Variants in FKBP14 observed in about 807,000 individuals in gnomAD.
FKBP14 encodes peptidyl-prolyl cis-trans isomerase FKBP14.
FKBP14 carries 20 observed loss-of-function variants against 21.6 expected under a neutral mutation model. That is an observed-to-expected ratio of 0.92 (90% CI 0.65 to 1.34). The LOEUF is 1.34. FKBP14 is among the 40% of genes most tolerant of loss of function. FKBP14 has a pLI of 0.00. For missense variants in FKBP14, 253 were observed against 249.0 expected, an observed-to-expected ratio of 1.02 and a Z score of -0.11; for synonymous variants, 79 against 86.7, an observed-to-expected ratio of 0.91 and a Z score of 0.49.
chr7:30,022,472 G>A (rs1790056341), intron 2 of FKBP14, 193 bp downstream of exon 2: 1 of 482,494 alleles, frequency 2.1e-6, no homozygotes. Flanking sequence ...TAGCATAGTT[G>A]CCCATTTAGA....
At chr7:30,010,192 A>G (rs1789689272), downstream of FKBP14, among the ~76,000 whole-genome samples, 1 of 152,162 alleles carries the variant, frequency 6.6e-6, no homozygotes, top group Non-Finnish European at 1.5e-5. Flanking sequence ...GGTATTTTAT[A>G]GCACTGATTT....
At chr7:30,010,012 G>GA (rs1347111400), downstream of FKBP14, among the ~76,000 whole-genome samples, 1 of 150,294 alleles carries the variant, frequency 6.7e-6, no homozygotes, top group South Asian at 2.1e-4. Context: ...AACAACAAAA[G>GA]AAAAAAAATA....
chr7:30,019,094 A>T lies in FKBP14; in HGVS notation c.379T>A (p.Phe127Ile). Residue 127 changes from phenylalanine (F) to isoleucine (I), a missense_variant, in exon 3 of 4, where the codon TTT becomes ATT. Physicochemically the swap from Phe to Ile is conservative, Grantham distance 21. Coordinates refer to ENST00000222803, the MANE Select transcript of FKBP14 (RefSeq NM_017946.4). ...CGAATCTCCAGGAGATCAATATTAA[A>T]TATCAGTGTACTTTCTGGGGGAATT... ...GKIPPESTLI[F>I]NIDLLEIRNG... is the part of the protein sequence containing the mutation. The T allele has an allele frequency of 6.3e-7, 1 of 1,585,874 alleles. No homozygotes were observed.
rs1393430118 is a variant in FKBP14, at chr7:30,022,753, AC to A, written c.260del (p.Gly87ValfsTer6). 1.2e-6 allele frequency: 2 copies of A among 1,614,104 alleles called. No individual in the cohort carries two copies. Among genetic ancestry groups the A allele is most frequent in the Non-Finnish European group, 1.7e-6 (2 of 1,180,002 alleles). The stretch of plus-strand genomic sequence containing the variant: ...ACATTCCTTTCAAGCCCTGGTCCCA[AC>A]CTTTGAGAGCCTCCAGGATGCCCAG... ...FTLGILEALK[G>X]WDQGLKGMCV... On this transcript the variant is annotated frameshift_variant, in exon 2 of 4. Transcript: ENST00000222803. LOFTEE classifies it high-confidence loss of function.
At chr7:30,008,796 G>A (rs1265604667), downstream of FKBP14, among the ~76,000 whole-genome samples, 7 of 152,118 alleles carry the variant, frequency 4.6e-5, no homozygotes, top group East Asian at 1.3e-3. Flanking sequence ...CTAACACGGT[G>A]AAACCCGTCT....
rs1042789132 is a variant in FKBP14, at chr7:30,011,740, G to A, written c.*2995C>T. The A allele has an allele frequency of 4.0e-5, 6 of 151,604 alleles. No individual in the cohort carries two copies. The highest frequency in any genetic ancestry group is 7.4e-5 in the Non-Finnish European group (5 of 67,972). 9.4% of individuals were successfully genotyped at this position (151,604 alleles called of 1,614,324 possible). A position where few individuals can be genotyped will look rare whatever the true frequency, so the allele number is the denominator to read the frequency against. On this transcript the variant is annotated 3_prime_UTR_variant, in exon 4 of 4. Transcript: ENST00000222803. ...AACCTCAGCTTTTGTACTTTTAGCA[G>A]AGACGGGGTTTCGCCATGTTGCCCA...
At position 30,014,907 on chromosome 7, in the gene FKBP14, G is replaced by T. The variant is rs1218557130; in HGVS notation, c.478-14C>A. ...ATATGCTTTAACCTACAAAATAACA[G>T]ATCCCATTAATAACTTGGATTCATA... On this transcript the variant is annotated splice_polypyrimidine_tract_variant and intron_variant, in intron 3 of 3. Transcript: ENST00000222803. 2 of 1,551,814 alleles carry T rather than the reference G, an allele frequency of 1.3e-6. No homozygotes were observed.
chr7:30,012,941 G>T lies in FKBP14; in HGVS notation c.*1794C>A, dbSNP rs1789778350. The T allele has an allele frequency of 6.6e-6, 1 of 152,122 alleles. No homozygotes were observed. Among genetic ancestry groups the T allele is most frequent in the African/African-American group, 2.4e-5 (1 of 41,398 alleles). 9.4% of individuals were successfully genotyped at this position (152,122 alleles called of 1,614,324 possible). On this transcript the variant is annotated 3_prime_UTR_variant, in exon 4 of 4. Transcript: ENST00000222803. ...ACACTGAACTTGGGGACTGAATACTGGTTCTGCAGGTTAGTGCTGACCCTG... is the reference window on the plus strand; with the variant it reads ...ACACTGAACTTGGGGACTGAATACTTGTTCTGCAGGTTAGTGCTGACCCTG...
rs1789738880 is a variant in FKBP14 at position 30,011,598 on chromosome 7, ATATATATATATATT to A, written c.*3123_*3136del. On this transcript the variant is annotated 3_prime_UTR_variant, in exon 4 of 4. Transcript: ENST00000222803. ...TGGTATATATATATATATAGTATAT[ATATATATATATATT>A]TTTTTTTTTAGATGGGGAGTCACTC... 7.8e-6 allele frequency: 1 copy of A among 128,028 alleles called. No homozygotes were observed. Among genetic ancestry groups the A allele is most frequent in the Admixed American group, 8.5e-5 (1 of 11,714 alleles). The allele number at this position is 128,028 out of a possible 1,614,324, so 7.9% of individuals were successfully genotyped here.
At position 30,021,176 on chromosome 7, in the gene FKBP14, A is replaced by T. The variant is rs937458229; in HGVS notation, c.349+1489T>A. 1.1e-4 allele frequency among the ~76,000 whole-genome samples: 16 copies of T among 152,228 alleles called. 1 individual carries two copies. Among genetic ancestry groups the T allele is most frequent in the Non-Finnish European group, 2.2e-4 (15 of 68,030 alleles). On this transcript the variant is annotated intron_variant, in intron 2 of 3. Coordinates refer to ENST00000222803, the MANE Select transcript of FKBP14 (RefSeq NM_017946.4). ...GCACATACTTGGATGATAAAACCAG[A>T]AATAAATATGATTCCCAGTATCACA...
At chr7:30,016,014 A>G (rs1198679113) in intron 3 of FKBP14, among the ~76,000 whole-genome samples, 3 of 152,016 alleles carry the variant, frequency 2.0e-5, no homozygotes, top group Non-Finnish European at 4.4e-5. Flanking sequence ...GGCTCAAGCA[A>G]TCCTCCTACC....
chr7:30,021,560 CTTTTTTTTT>C (rs375759314), intron 2 of FKBP14, among the ~76,000 whole-genome samples: 1 of 144,452 alleles, frequency 6.9e-6, no homozygotes, highest in Admixed American at 6.9e-5. Context: ...CTTCAGACCT[CTTTTTTTTT>C]TTTTGAGATG....
At chr7:30,007,462 CCT>C (rs1444098693), downstream of FKBP14, among the ~76,000 whole-genome samples, 4 of 152,042 alleles carry the variant, frequency 2.6e-5, no homozygotes, top group African/African-American at 9.7e-5. Context: ...CCCGCCTTGG[CCT>C]CCAAAAGTGC....
chr7:30,023,714 G>GAGGA (rs1790096764), intron 1 of FKBP14, among the ~76,000 whole-genome samples: 2 of 152,334 alleles, frequency 1.3e-5, no homozygotes, highest in South Asian at 4.1e-4. Flanking sequence ...GAAGGCAAAG[G>GAGGA]AGGAGCAAAG....
chr7:30,006,858 A>G (rs976014959), downstream of FKBP14, among the ~76,000 whole-genome samples: 6 of 152,202 alleles, frequency 3.9e-5, no homozygotes, highest in African/African-American at 7.2e-5. Flanking sequence ...GAGACCTTCT[A>G]TAGAGTAGGT....
In FKBP14 at chr7:30,011,351, C is replaced by T. The variant is rs1384858224; in HGVS notation, c.*3384G>A. ...GCACCATGCCCAACCAGAAGAAAAACATTTTTTATAAATTTTAGTGTCACC... is the reference window on the plus strand; with the variant it reads ...GCACCATGCCCAACCAGAAGAAAAATATTTTTTATAAATTTTAGTGTCACC... On this transcript the variant is annotated 3_prime_UTR_variant, in exon 4 of 4. Transcript: ENST00000222803. 1 of 151,538 alleles carries T rather than the reference C, an allele frequency of 6.6e-6. No homozygotes were observed. The highest frequency in any genetic ancestry group is 2.4e-5 in the African/African-American group (1 of 41,234). The allele number at this position is 151,538 out of a possible 1,614,324, so 9.4% of individuals were successfully genotyped here.
downstream of FKBP14, among the ~76,000 whole-genome samples, chr7:30,006,600 A>G (rs1265651097): frequency 6.6e-6 from 1 of 152,152 alleles, no homozygotes; most frequent in South Asian, 2.1e-4. Context: ...ATTGACCATT[A>G]ACTTTTTGCT....
chr7:30,016,344 C>T (rs1208392015), intron 3 of FKBP14, among the ~76,000 whole-genome samples: 1 of 152,020 alleles, frequency 6.6e-6, no homozygotes, highest in Non-Finnish European at 1.5e-5. Context: ...CTCAGAAAGT[C>T]AGGTCTGATA....
chr7:30,007,021 C>T (rs533940185), downstream of FKBP14, among the ~76,000 whole-genome samples: 25 of 152,338 alleles, frequency 1.6e-4, no homozygotes, highest in African/African-American at 4.8e-4. Context: ...CGCTGTGCCA[C>T]GGCTGATGCC....
Sources: gnomAD v4.1 joint callset for allele counts (sites outside exome capture counted in the v4.1 genomes callset) on GRCh38, gnomAD v4.1.1 for gene constraint, MANE v1.5 for transcripts, NCBI Gene and HGNC (gene_info 2026-07-23, HGNC 2026-07-21) for gene names.